The following SIGLEC11 variants were observed in gnomAD, a reference collection of about 807,000 sequenced individuals.
The protein encoded by SIGLEC11 is sialic acid-binding Ig-like lectin 11.
SIGLEC11 carries 47 observed loss-of-function variants against 61.2 expected under a neutral mutation model. That is an observed-to-expected ratio of 0.77 (90% CI 0.61 to 0.98). The LOEUF (loss-of-function observed/expected upper bound fraction) is 0.98, where lower values mean the gene tolerates loss of function less well. Among genes scored for constraint, SIGLEC11 ranks in the 50% least tolerant of loss-of-function variants. The pLI is 0.00. For synonymous variants in SIGLEC11, 278 were observed against 373.1 expected (o/e 0.75, Z 2.94); for missense variants, 610 against 870.3 (o/e 0.70, Z 3.76).
At chr19:49,956,063 GCC>G (rs1251222756) in intron 8 of SIGLEC11, among the ~76,000 whole-genome samples, 2 of 152,202 alleles carry the variant, frequency 1.3e-5, no homozygotes, top group Non-Finnish European at 2.9e-5. Context: ...ATTGTCGGCA[GCC>G]TAGGCATTTC....
chr19:49,955,989 T>G lies in SIGLEC11; in HGVS notation c.1651+2294A>C, dbSNP rs564774936. The stretch of plus-strand genomic sequence containing the variant: ...ATGGCCGGGCGCAGTGGCTCACACC[T>G]GTAATCCTGTTACCAGAGCCCACTC... On this transcript the variant is annotated intron_variant, in intron 8 of 10. Transcript: ENST00000447370. The surrounding 1 kb of genome is among the most constrained non-coding windows in gnomAD (Gnocchi z 4.5). 1.3e-5 allele frequency among the ~76,000 whole-genome samples: 2 copies of G among 151,014 alleles called. No individual in the cohort carries two copies. The highest frequency in any genetic ancestry group is 1.3e-4 in the Admixed American group (2 of 15,172).
At chr19:49,953,777 G>A (rs1268773243) in intron 8 of SIGLEC11, among the ~76,000 whole-genome samples, 3 of 152,134 alleles carry the variant, frequency 2.0e-5, no homozygotes, top group Non-Finnish European at 2.9e-5. Context: ...ATAGTTGGCC[G>A]AAACTAGAGG....
chr19:49,954,232 G>T lies in SIGLEC11; in HGVS notation c.1652-1838C>A, dbSNP rs77695494. ...AAAAACCCCAGAAAGAGCAAGAGAA[G>T]CCAGTTTTGCAACAGCTGCCAGAGG... On this transcript the variant is annotated intron_variant, in intron 8 of 10. Coordinates refer to ENST00000447370, the MANE Select transcript of SIGLEC11 (RefSeq NM_052884.3). Among the ~76,000 whole-genome samples, 3,373 of 152,226 alleles carry T rather than the reference G, an allele frequency of 0.022. 356 individuals are homozygous for T. The East Asian group carries it at 0.28, about 12-fold the overall frequency.
rs536255760 is a variant in SIGLEC11 at position 49,959,070 on chromosome 19, T to C, written c.1065A>G (p.Pro355=). Residue 355 remains proline (P), a synonymous_variant, in exon 6 of 11, where the codon CCA becomes CCG. Coordinates refer to ENST00000447370, the MANE Select transcript of SIGLEC11 (RefSeq NM_052884.3). ...GGGAAACCATCACTCTCAGGTTCTC[T>C]GGAGGATCTGAAATGGAGACAGGGG... ...QALDLSVQYP[P]ENLRVMVSQA... The C allele has an allele frequency of 1.9e-6, 3 of 1,613,824 alleles. No individual in the cohort carries two copies. Among genetic ancestry groups the C allele is most frequent in the East Asian group, 4.5e-5 (2 of 44,866 alleles).
At chr19:49,957,908 T>C (rs1187620883) in intron 8 of SIGLEC11, among the ~76,000 whole-genome samples, 1 of 152,090 alleles carries the variant, frequency 6.6e-6, no homozygotes, top group Admixed American at 6.6e-5. Flanking sequence ...GGAGAATTGC[T>C]TGAATCCGGG....
At chr19:49,950,896 A>T (rs1217637161) in intron 10 of SIGLEC11, among the ~76,000 whole-genome samples, 1 of 152,202 alleles carries the variant, frequency 6.6e-6, no homozygotes, top group Non-Finnish European at 1.5e-5. Context: ...TGTGAAACTG[A>T]GCTAGGAGCT....
In SIGLEC11 at chr19:49,958,263, GC is replaced by G. The variant is rs754481735; in HGVS notation, c.1651+19del. 2 of 1,610,998 alleles carry G rather than the reference GC, an allele frequency of 1.2e-6. No individual in the cohort carries two copies. Among genetic ancestry groups the G allele is most frequent in the Non-Finnish European group, 1.7e-6 (2 of 1,179,192 alleles). On this transcript the variant is annotated intron_variant, in intron 8 of 10. Coordinates refer to ENST00000447370, the MANE Select transcript of SIGLEC11 (RefSeq NM_052884.3). Reference sequence around the variant, plus strand: ...CTGTCTCCTTTCTCCCTGAACCTCAGCCCCCCACAGTCCCCTCACCTGGTAG... The same window carrying G: ...CTGTCTCCTTTCTCCCTGAACCTCAGCCCCCACAGTCCCCTCACCTGGTAG...
At chr19:49,958,957 G>A (rs1182884086) in intron 6 of SIGLEC11, 57 bp from the exon 7 acceptor site, 71 of 1,612,740 alleles carry the variant, frequency 4.4e-5, no homozygotes, top group East Asian at 1.3e-4. Flanking sequence ...ACCCTCCTGT[G>A]TGGGGACCCT....
intron 6 of SIGLEC11, 48 bp from the exon 7 acceptor site, chr19:49,958,948 C>A (rs201952288): frequency 8.1e-6 from 13 of 1,611,606 alleles, no homozygotes; most frequent in Middle Eastern, 3.3e-4. Context: ...GGCTCAGGGA[C>A]CCTCCTGTGT....
intron 5 of SIGLEC11, 132 bp downstream of exon 5, chr19:49,959,228 G>A: frequency 6.9e-7 from 1 of 1,439,124 alleles, no homozygotes; most frequent in Non-Finnish European, 9.4e-7. Flanking sequence ...ACTGCATGAG[G>A]GTCTACACAG....
chr19:49,952,449 C>G, intron 8 of SIGLEC11, 55 bp from the exon 9 acceptor site: 1 of 1,357,158 alleles, frequency 7.4e-7, no homozygotes, highest in Non-Finnish European at 1.0e-6. Context: ...ACCCTCCTGC[C>G]CCTTCCTCCC....
At position 49,958,919 on chromosome 19, in the gene SIGLEC11, G is replaced by T; in HGVS notation, c.1106-19C>A. The T allele has an allele frequency of 6.2e-7, 1 of 1,604,242 alleles. No individual in the cohort carries two copies. Among genetic ancestry groups the T allele is most frequent in the Non-Finnish European group, 8.5e-7 (1 of 1,174,178 alleles). ...TCCAGGACTAGGGAAGGAAGAGGCA[G>T]AATCGACGTGCAGCTCAGGGCTCAG... On this transcript the variant is annotated intron_variant, in intron 6 of 10. Transcript: ENST00000447370.
chr19:49,957,498 C>A (rs2076205253), intron 8 of SIGLEC11, among the ~76,000 whole-genome samples: 1 of 151,376 alleles, frequency 6.6e-6, no homozygotes, highest in African/African-American at 2.4e-5. Flanking sequence ...GGGCTCCAGA[C>A]ACACCCCTTC....
At chr19:49,952,186 G>A (rs2076162819) in intron 9 of SIGLEC11, 112 bp downstream of exon 9, 1 of 1,195,416 alleles carries the variant, frequency 8.4e-7, no homozygotes, top group Non-Finnish European at 1.2e-6. Flanking sequence ...TCTTGCCCAA[G>A]GCCTAGTTCT....
chr19:49,955,527 G>A lies in SIGLEC11; in HGVS notation c.1651+2756C>T, dbSNP rs560771593. 1.2e-4 allele frequency among the ~76,000 whole-genome samples: 19 copies of A among 152,296 alleles called. No homozygotes were observed. The highest frequency in any genetic ancestry group is 8.3e-4 in the South Asian group (4 of 4,830). On this transcript the variant is annotated intron_variant, in intron 8 of 10. Coordinates refer to ENST00000447370, the MANE Select transcript of SIGLEC11 (RefSeq NM_052884.3). This position sits in a 1 kb window ranked among gnomAD's most constrained non-coding sequence, Gnocchi z 4.5. ...CGTGCACAGGGGCGGGGCCCACGCCGTAGCCCAGTCCCACTGGCCAGCTGT... is the reference window on the plus strand; with the variant it reads ...CGTGCACAGGGGCGGGGCCCACGCCATAGCCCAGTCCCACTGGCCAGCTGT...
At chr19:49,954,282 T>A (rs759842655) in intron 8 of SIGLEC11, among the ~76,000 whole-genome samples, 4 of 152,100 alleles carry the variant, frequency 2.6e-5, no homozygotes, top group Non-Finnish European at 5.9e-5. Flanking sequence ...CCTCCATATG[T>A]CCCAGCCTAC....
chr19:49,958,724 T>C lies in SIGLEC11; in HGVS notation c.1282A>G (p.Met428Val). The change falls in exon 7 of 11, where the codon ATG becomes GTG. Residue 428 changes from methionine to valine, a missense_variant. Transcript: ENST00000447370. ...PGVLELPPIQ[M>V]EHEGEFTCHA... ...CAGGTGAACTCTCCTTCGTGCTCCA[T>C]TTGAATGGGTGGCAGCTCCAGGACC... The C allele has an allele frequency of 3.1e-6, 5 of 1,613,712 alleles. No homozygotes were observed. Among genetic ancestry groups the C allele is most frequent in the Non-Finnish European group, 4.2e-6 (5 of 1,179,776 alleles).
At position 49,958,383 on chromosome 19, in the gene SIGLEC11, G is replaced by A. The variant is rs1207204266; in HGVS notation, c.1551C>T (p.Ser517=). The change falls in exon 8 of 11, where the codon TCC becomes TCT. Residue 517 remains serine, a synonymous_variant. Transcript: ENST00000447370. ...AGCTGAGCCCTCCATGGAGGCTCAG[G>A]GAGCTGTTGGCCCAGGGCCCGGCTG... is the stretch of plus-strand genomic sequence containing the variant. ...PSSAGPWANS[S]LSLHGGLSSG... The A allele has an allele frequency of 2.4e-5, 38 of 1,614,066 alleles. No homozygotes were observed. Among genetic ancestry groups the A allele is most frequent in the Non-Finnish European group, 3.0e-5 (35 of 1,180,040 alleles).
In SIGLEC11 at chr19:49,960,576, T is replaced by G. The variant is rs749572813; in HGVS notation, c.436A>C (p.Asn146His). ...CCTGTTACTTTTAGAAAGAACGCATTGCTCAGGAAACTATGTCTCACACGG... is the reference window on the plus strand; with the variant it reads ...CCTGTTACTTTTAGAAAGAACGCATGGCTCAGGAAACTATGTCTCACACGG... Reference protein sequence around the residue: ...GSRVRHSFLSNAFFLKVTALT... With the variant: ...GSRVRHSFLSHAFFLKVTALT... Residue 146 changes from asparagine (N) to histidine (H), a missense_variant, in exon 2 of 11, where the codon AAT becomes CAT. Physicochemically the swap from Asn to His is moderately conservative, Grantham distance 68 (BLOSUM62 1). This residue lies in a region of SIGLEC11 where 99 missense variants were observed against 131.6 expected (regional missense o/e 0.75). Coordinates refer to ENST00000447370, the MANE Select transcript of SIGLEC11 (RefSeq NM_052884.3). The G allele has an allele frequency of 1.3e-6, 2 of 1,598,138 alleles. No individual in the cohort carries two copies. Among genetic ancestry groups the G allele is most frequent in the African/African-American group, 3.2e-5 (2 of 61,578 alleles).
Sources: allele counts gnomAD v4.1 joint callset (sites outside exome capture counted in the v4.1 genomes callset), GRCh38; gene constraint gnomAD v4.1.1; regional missense constraint gnomAD v4.1.1; non-coding constraint Gnocchi (gnomAD v3.1); transcripts MANE v1.5; gene names NCBI Gene and HGNC (gene_info 2026-07-23, HGNC 2026-07-21).